CCDC34: variants seen among roughly 807,000 people sequenced by gnomAD.
The protein encoded by CCDC34 is coiled-coil domain-containing protein 34.
Under a neutral mutation model 44.1 loss-of-function variants are expected in CCDC34, and 40 were observed. That is an observed-to-expected ratio of 0.91 (90% CI 0.70 to 1.18). CCDC34 has a LOEUF of 1.18. Ranked by LOEUF, CCDC34 falls within the 50% of genes most tolerant of loss-of-function variation. The probability of loss-of-function intolerance (pLI) is 0.00; values close to 1 mark genes in which losing one functional copy is unlikely to be tolerated. For synonymous variants in CCDC34, 159 were observed against 158.2 expected, an observed-to-expected ratio of 1.01 and a Z score of -0.04; for missense variants, 466 against 452.3, an observed-to-expected ratio of 1.03 and a Z score of -0.28.
chr11:27,362,875 A>G lies in CCDC34; in HGVS notation c.320T>C (p.Val107Ala). Residue 107 changes from valine (V) to alanine (A), a missense_variant, in exon 1 of 6, where the codon GTG becomes GCG. Physicochemically the swap from Val to Ala is moderately conservative, Grantham distance 64 (BLOSUM62 0). Coordinates refer to ENST00000328697, the MANE Select transcript of CCDC34 (RefSeq NM_030771.2). Reference sequence around the variant, plus strand: ...TAACTCCATTCCTCTCAGGCTCGCCACTTTGGCCTCTGAATCATGGGCATC... The same window carrying G: ...TAACTCCATTCCTCTCAGGCTCGCCGCTTTGGCCTCTGAATCATGGGCATC... Reference protein sequence around the residue: ...DEDAHDSEAKVASLRGMELQG... With the variant: ...DEDAHDSEAKAASLRGMELQG... 3 of 1,614,078 alleles carry G rather than the reference A, an allele frequency of 1.9e-6. No individual in the cohort carries two copies. The highest frequency in any genetic ancestry group is 1.1e-5 in the South Asian group (1 of 91,086).
At chr11:27,354,776 A>G (rs1039714060) in intron 2 of CCDC34, among the ~76,000 whole-genome samples, 1 of 148,090 alleles carries the variant, frequency 6.8e-6, no homozygotes, top group African/African-American at 2.5e-5. Context: ...GCTGAAGTGG[A>G]AGAGGAGGGG....
intron 5 of CCDC34, among the ~76,000 whole-genome samples, chr11:27,340,396 T>C (rs942914184): frequency 1.3e-5 from 2 of 152,142 alleles, no homozygotes; most frequent in Non-Finnish European, 2.9e-5. Context: ...ATATCCTGAT[T>C]AAGGCTTTAT....
At chr11:27,339,984 C>T (rs1353437267) in intron 5 of CCDC34, among the ~76,000 whole-genome samples, 1 of 150,056 alleles carries the variant, frequency 6.7e-6, no homozygotes, top group East Asian at 2.0e-4. Flanking sequence ...AGATGACCTT[C>T]GTGACATATG....
At position 27,363,183 on chromosome 11, in the gene CCDC34, C is replaced by T. The variant is rs35051727; in HGVS notation, c.12G>A (p.Ala4=). 1.6e-4 allele frequency: 236 copies of T among 1,483,886 alleles called. 1 individual carries two copies. Among genetic ancestry groups the T allele is most frequent in the Non-Finnish European group, 6.8e-5 (76 of 1,124,030 alleles). 91.9% of individuals were successfully genotyped at this position (1,483,886 alleles called of 1,614,324 possible). A position where few individuals can be genotyped will look rare whatever the true frequency, so the allele number is the denominator to read the frequency against. Residue 4 remains alanine (A), a synonymous_variant, in exon 1 of 6, where the codon GCG becomes GCA. Coordinates refer to ENST00000328697, the MANE Select transcript of CCDC34 (RefSeq NM_030771.2). MWA[A]GRWGPTFPSS... is the part of the protein sequence containing the mutation. ...AGGGAAAAGTAGGCCCCCAGCGCCC[C>T]GCCGCCCACATCTGGCCCGCCAAGT...
At chr11:27,351,889 C>G (rs7935021) in intron 2 of CCDC34, among the ~76,000 whole-genome samples, 2 of 151,724 alleles carry the variant, frequency 1.3e-5, no homozygotes, top group Non-Finnish European at 2.9e-5. Flanking sequence ...AAAATTTGAG[C>G]GTGGTACTAG....
At chr11:27,340,433 T>A (rs1862339130) in intron 5 of CCDC34, among the ~76,000 whole-genome samples, 1 of 152,206 alleles carries the variant, frequency 6.6e-6, no homozygotes, top group Non-Finnish European at 1.5e-5. Context: ...GAGAACATTA[T>A]TCATTTCTTA....
intron 3 of CCDC34, among the ~76,000 whole-genome samples, chr11:27,343,356 C>T (rs1458019523): frequency 2.7e-5 from 4 of 149,646 alleles, no homozygotes; most frequent in Admixed American, 1.3e-4. Flanking sequence ...TAGCCGAGAT[C>T]GTGCCATTGA....
intron 3 of CCDC34, among the ~76,000 whole-genome samples, chr11:27,347,228 T>C (rs1862446489): frequency 6.6e-6 from 1 of 152,212 alleles, no homozygotes; most frequent in African/African-American, 2.4e-5. Context: ...GCCAAAGATG[T>C]GGAGCAACTG....
At chr11:27,357,091 G>A (rs1282606450) in intron 2 of CCDC34, among the ~76,000 whole-genome samples, 8 of 152,064 alleles carry the variant, frequency 5.3e-5, no homozygotes, top group African/African-American at 9.7e-5. Context: ...ACATTTGTAC[G>A]TATTTCAAAA....
At chr11:27,341,332 T>G in intron 4 of CCDC34, 60 bp downstream of exon 4, 1 of 988,974 alleles carries the variant, frequency 1.0e-6, no homozygotes, top group South Asian at 2.3e-5. Flanking sequence ...TTCTAAGATA[T>G]AGTTGACACA....
chr11:27,347,552 C>A (rs1363190074), intron 3 of CCDC34, among the ~76,000 whole-genome samples: 1 of 151,896 alleles, frequency 6.6e-6, no homozygotes, highest in African/African-American at 2.4e-5. Context: ...TCATAGAATA[C>A]TATAGTCAGC....
intron 2 of CCDC34, among the ~76,000 whole-genome samples, chr11:27,350,875 C>G (rs940056786): frequency 6.6e-6 from 1 of 152,008 alleles, no homozygotes. Flanking sequence ...AAATTTAATT[C>G]AGTTACACAA....
chr11:27,349,301 AG>A, intron 3 of CCDC34: 1 of 920,802 alleles, frequency 1.1e-6, no homozygotes, highest in Non-Finnish European at 1.3e-6. Flanking sequence ...CATGGGATGA[AG>A]TAAACTTTTT....
chr11:27,359,317 C>G (rs1186377155), intron 1 of CCDC34, among the ~76,000 whole-genome samples: 1 of 152,170 alleles, frequency 6.6e-6, no homozygotes, highest in South Asian at 2.1e-4. Flanking sequence ...TCACTAGGAA[C>G]CCCTGCAGGT....
At chr11:27,356,191 T>C (rs1175263763) in intron 2 of CCDC34, among the ~76,000 whole-genome samples, 1 of 151,604 alleles carries the variant, frequency 6.6e-6, no homozygotes. Flanking sequence ...GATAATTTTG[T>C]ATTTTTAGTA....
At position 27,357,449 on chromosome 11, in the gene CCDC34, C is replaced by T; in HGVS notation, c.452G>A (p.Gly151Asp). 1 of 1,613,896 alleles carries T rather than the reference C, an allele frequency of 6.2e-7. No homozygotes were observed. Among genetic ancestry groups the T allele is most frequent in the Non-Finnish European group, 8.5e-7 (1 of 1,179,876 alleles). ...CCGGTCACGTTCTTCTTTTTCTTTG[C>T]CAATAAACCACACCTCCCATGGTGT... is the stretch of plus-strand genomic sequence containing the variant. ...RLTPWEVWFI[G>D]KEKEERDRLQ... The change falls in exon 2 of 6, where the codon GGC becomes GAC. Residue 151 changes from glycine (G) to aspartate (D), a missense_variant. Coordinates refer to ENST00000328697, the MANE Select transcript of CCDC34 (RefSeq NM_030771.2).
At position 27,340,038 on chromosome 11, in the gene CCDC34, T is replaced by G. The variant is rs1271116858; in HGVS notation, c.907+658A>C. Reference sequence around the variant, plus strand: ...CAGCAGGAATGTGTCTTTCAGACACTGGCAACCCACTTGGCATAGATATGC... The same window carrying G: ...CAGCAGGAATGTGTCTTTCAGACACGGGCAACCCACTTGGCATAGATATGC... On this transcript the variant is annotated intron_variant, in intron 5 of 5. Coordinates refer to ENST00000328697, the MANE Select transcript of CCDC34 (RefSeq NM_030771.2). Among the ~76,000 whole-genome samples the G allele has an allele frequency of 4.6e-5, 7 of 152,340 alleles. No individual in the cohort carries two copies. The East Asian group carries it at 1.4e-3, about 29-fold the overall frequency.
At chr11:27,349,421 T>C (rs954125316) in intron 3 of CCDC34, 20 of 830,596 alleles carry the variant, frequency 2.4e-5, no homozygotes, top group Non-Finnish European at 2.8e-5. Context: ...TCATCTTCAA[T>C]TTACTGAAAT....
At chr11:27,350,527 T>A in intron 2 of CCDC34, 88 bp from the exon 3 acceptor site, 2 of 1,249,280 alleles carry the variant, frequency 1.6e-6, no homozygotes, top group African/African-American at 1.5e-5. Context: ...TTAACCAAAT[T>A]AAACAAGAAT....
Sources: allele counts gnomAD v4.1 joint callset (sites outside exome capture counted in the v4.1 genomes callset), GRCh38; gene constraint gnomAD v4.1.1; transcripts MANE v1.5; gene names NCBI Gene and HGNC (gene_info 2026-07-23, HGNC 2026-07-21).